Variants in PLPPR4 observed in about 807,000 individuals in gnomAD.
PLPPR4 encodes phospholipid phosphatase related 4.
PLPPR4 carries 24 observed loss-of-function variants against 56.6 expected under a neutral mutation model. The ratio of observed to expected loss-of-function variants is 0.42; its 90% CI spans 0.31 to 0.60. The LOEUF (loss-of-function observed/expected upper bound fraction) is 0.60, where lower values mean the gene tolerates loss of function less well. PLPPR4 is among the 20% of genes least tolerant of loss of function. The pLI is 0.13. For synonymous variants in PLPPR4, 326 were observed against 328.1 expected, an observed-to-expected ratio of 0.99 and a Z score of 0.07; for missense variants, 654 against 885.8, an observed-to-expected ratio of 0.74 and a Z score of 3.32.
chr1:99,265,626 G>A (rs1401312041), intron 1 of PLPPR4, among the ~76,000 whole-genome samples: 3 of 152,218 alleles, frequency 2.0e-5, no homozygotes, highest in Admixed American at 6.5e-5. Flanking sequence ...ATTCTGTTTA[G>A]TTAGAGTCTG....
In PLPPR4 at chr1:99,306,350, A is replaced by G; in HGVS notation, c.1488A>G (p.Ile496Met). ...VHIPEETQEN[I>M]STSPKSSSAR... ...TCCCTGAGGAGACTCAGGAAAACAT[A>G]AGCACCTCCCCCAAAAGCAGCTCTG... The change falls in exon 7 of 7, where the codon ATA becomes ATG. Residue 496 changes from isoleucine (I) to methionine (M), a missense_variant. Physicochemically the swap from Ile to Met is conservative, Grantham distance 10. Transcript: ENST00000370185. The surrounding 1 kb of genome is among the most constrained non-coding windows in gnomAD (Gnocchi z 4.0). 6.2e-7 allele frequency: 1 copy of G among 1,614,118 alleles called. No homozygotes were observed. Among genetic ancestry groups the G allele is most frequent in the Non-Finnish European group, 8.5e-7 (1 of 1,180,026 alleles).
chr1:99,293,770 T>C (rs1403156241), intron 2 of PLPPR4, among the ~76,000 whole-genome samples: 1 of 152,164 alleles, frequency 6.6e-6, no homozygotes, highest in Admixed American at 6.6e-5. Context: ...ACTATAATAA[T>C]TTTTGTTGTT....
chr1:99,264,409 G>T, upstream of PLPPR4: 1 of 1,437,428 alleles, frequency 7.0e-7, no homozygotes. Flanking sequence ...GGAATAGCTG[G>T]GTTGCTGCAA....
At chr1:99,270,248 A>G (rs983331772) in intron 1 of PLPPR4, among the ~76,000 whole-genome samples, 10 of 151,564 alleles carry the variant, frequency 6.6e-5, no homozygotes, top group Non-Finnish European at 1.0e-4. Context: ...CTGGTCTCGA[A>G]CTCCTGGGCT....
At chr1:99,269,288 G>A (rs1225649040) in intron 1 of PLPPR4, among the ~76,000 whole-genome samples, 1 of 152,200 alleles carries the variant, frequency 6.6e-6, no homozygotes, top group East Asian at 1.9e-4. Flanking sequence ...GTATTCCATG[G>A]TGAATGTGTG....
At chr1:99,290,690 G>A (rs1210099549) in intron 2 of PLPPR4, among the ~76,000 whole-genome samples, 2 of 151,928 alleles carry the variant, frequency 1.3e-5, no homozygotes, top group African/African-American at 2.4e-5. Context: ...CAAGCAATAG[G>A]GAAAGGATTC....
Position 99,264,628 on chromosome 1 carries a change from T to C in PLPPR4, c.35T>C (p.Ile12Thr). 1 of 1,550,666 alleles carries C rather than the reference T, an allele frequency of 6.4e-7. No individual in the cohort carries two copies. The highest frequency in any genetic ancestry group is 8.7e-7 in the Non-Finnish European group (1 of 1,146,974). The change falls in exon 1 of 7, where the codon ATC becomes ACC. Residue 12 changes from isoleucine (I) to threonine (T), a missense_variant. Coordinates refer to ENST00000370185, the MANE Select transcript of PLPPR4 (RefSeq NM_014839.5). ...AAGGAGAGGCCAAAGGGCAAAGTGATCAAGGACAGCGTCACCCTCCTGCCC... is the reference window on the plus strand; with the variant it reads ...AAGGAGAGGCCAAAGGGCAAAGTGACCAAGGACAGCGTCACCCTCCTGCCC... ...SAKERPKGKV[I>T]KDSVTLLPCF...
chr1:99,269,531 A>G (rs1466616061), intron 1 of PLPPR4, among the ~76,000 whole-genome samples: 1 of 152,232 alleles, frequency 6.6e-6, no homozygotes, highest in Non-Finnish European at 1.5e-5. Flanking sequence ...CAGGCTCACA[A>G]TTTTATTCTC....
chr1:99,280,129 C>G, intron 1 of PLPPR4, among the ~76,000 whole-genome samples: 1 of 152,158 alleles, frequency 6.6e-6, no homozygotes, highest in East Asian at 1.9e-4. Context: ...ACCCCACATG[C>G]AGTTATCTTA....
chr1:99,284,614 G>T (rs1466555811), intron 1 of PLPPR4, among the ~76,000 whole-genome samples: 1 of 151,302 alleles, frequency 6.6e-6, no homozygotes, highest in Non-Finnish European at 1.5e-5. Flanking sequence ...ACAAATGAAG[G>T]TTTTAAAACA....
At chr1:99,292,212 G>A (rs1418939466) in intron 2 of PLPPR4, among the ~76,000 whole-genome samples, 2 of 152,110 alleles carry the variant, frequency 1.3e-5, no homozygotes, top group Non-Finnish European at 2.9e-5. Flanking sequence ...AGCAAATTTA[G>A]TTGTGGCACT....
intron 1 of PLPPR4, among the ~76,000 whole-genome samples, chr1:99,273,458 G>C (rs560382316): frequency 6.6e-6 from 1 of 152,082 alleles, no homozygotes; most frequent in Non-Finnish European, 1.5e-5. Context: ...ACAATTTAAT[G>C]CTCTTACCAA....
intron 1 of PLPPR4, among the ~76,000 whole-genome samples, chr1:99,269,422 A>C (rs978836571): frequency 6.6e-6 from 1 of 152,222 alleles, no homozygotes; most frequent in Admixed American, 6.5e-5. Context: ...ATGATTTATA[A>C]TTATTTGGGC....
At chr1:99,265,151 C>CA (rs1453427329) in intron 1 of PLPPR4, among the ~76,000 whole-genome samples, 2 of 148,216 alleles carry the variant, frequency 1.3e-5, no homozygotes, top group Admixed American at 6.7e-5. Context: ...CCTGCCCCCC[C>CA]CCCCCAAATC....
rs200793906 is a variant in PLPPR4 at position 99,273,685 on chromosome 1, G to T, written c.78+9014G>T. Among the ~76,000 whole-genome samples the T allele has an allele frequency of 1.6e-4, 25 of 152,202 alleles. No individual in the cohort carries two copies. The East Asian group carries it at 4.8e-3, about 29-fold the overall frequency. On this transcript the variant is annotated intron_variant, in intron 1 of 6. Coordinates refer to ENST00000370185, the MANE Select transcript of PLPPR4 (RefSeq NM_014839.5). ...TGTTGAATAAATATCAATTGCTTAT[G>T]ATGTGACTTTTGGTAAAAGTAATAG...
chr1:99,305,981 T>C lies in PLPPR4; in HGVS notation c.1119T>C (p.Asn373=), dbSNP rs1337827024. The change falls in exon 7 of 7, where the codon AAT becomes AAC. Residue 373 remains asparagine, a synonymous_variant. Transcript: ENST00000370185. ...VTFSNTLPRA[N]TPSVEDPVRR... The stretch of plus-strand genomic sequence containing the variant: ...TCAGCAATACCTTGCCGCGAGCCAA[T>C]ACCCCATCTGTAGAAGACCCTGTCA... 1 of 1,613,990 alleles carries C rather than the reference T, an allele frequency of 6.2e-7. No individual in the cohort carries two copies. Among genetic ancestry groups the C allele is most frequent in the Non-Finnish European group, 8.5e-7 (1 of 1,180,026 alleles).
chr1:99,270,820 AAAG>A (rs1010534435), intron 1 of PLPPR4, among the ~76,000 whole-genome samples: 1 of 152,226 alleles, frequency 6.6e-6, no homozygotes, highest in Non-Finnish European at 1.5e-5. Flanking sequence ...GAGTCTGCTT[AAAG>A]AAGTACTTCA....
intron 2 of PLPPR4, among the ~76,000 whole-genome samples, chr1:99,296,409 G>A (rs578182278): frequency 1.3e-5 from 2 of 152,166 alleles, no homozygotes; most frequent in African/African-American, 4.8e-5. Flanking sequence ...GCTATAGAAA[G>A]CACCTTTCTA....
At chr1:99,284,155 C>T (rs1222850406) in intron 1 of PLPPR4, among the ~76,000 whole-genome samples, 1 of 151,702 alleles carries the variant, frequency 6.6e-6, no homozygotes, top group Non-Finnish European at 1.5e-5. Context: ...ATATGTATGC[C>T]GAAACCGGCA....
Sources: allele counts gnomAD v4.1 joint callset (sites outside exome capture counted in the v4.1 genomes callset), GRCh38; gene constraint gnomAD v4.1.1; non-coding constraint Gnocchi (gnomAD v3.1); transcripts MANE v1.5; gene names NCBI Gene and HGNC (gene_info 2026-07-23, HGNC 2026-07-21).